VRK1: variants seen among roughly 807,000 people sequenced by gnomAD.
The protein encoded by VRK1 is VRK serine/threonine kinase 1, also known as serine/threonine-protein kinase VRK1.
Under a neutral mutation model 57.1 loss-of-function variants are expected in VRK1, and 33 were observed. The observed-to-expected ratio is 0.58, with a 90% CI of 0.44 to 0.77. The LOEUF (loss-of-function observed/expected upper bound fraction) is 0.77, where lower values mean the gene tolerates loss of function less well. VRK1 is among the 30% of genes least tolerant of loss of function. The pLI is 0.00. For missense variants in VRK1, 413 were observed against 477.3 expected, an observed-to-expected ratio of 0.87 and a Z score of 1.25; for synonymous variants, 137 against 147.8, an observed-to-expected ratio of 0.93 and a Z score of 0.53.
chr14:96,826,293 C>G (rs1033702531), intron 1 of VRK1, among the ~76,000 whole-genome samples: 3 of 152,070 alleles, frequency 2.0e-5, no homozygotes, highest in African/African-American at 7.2e-5. Context: ...CACTGAAATT[C>G]TATTTGAATA....
At chr14:96,870,440 C>A (rs1888775627) in intron 11 of VRK1, among the ~76,000 whole-genome samples, 1 of 152,126 alleles carries the variant, frequency 6.6e-6, no homozygotes, top group Admixed American at 6.5e-5. Context: ...TGTCATGGAA[C>A]CCTCAGAGGA....
At chr14:96,871,403 A>G (rs1010939586) in intron 11 of VRK1, among the ~76,000 whole-genome samples, 5 of 132,374 alleles carry the variant, frequency 3.8e-5, no homozygotes, top group African/African-American at 1.3e-4. Context: ...TGTGTGTGTT[A>G]CATTTACATA....
chr14:96,875,541 T>C (rs11160373), intron 11 of VRK1, among the ~76,000 whole-genome samples: 2,117 of 152,328 alleles, frequency 0.014, 55 homozygotes, highest in African/African-American at 0.048. Context: ...CTACCACCAA[T>C]GTTATGTGGT....
At chr14:96,852,344 A>G (rs554133478) in intron 5 of VRK1, among the ~76,000 whole-genome samples, 2 of 152,316 alleles carry the variant, frequency 1.3e-5, no homozygotes, top group Admixed American at 6.5e-5. Flanking sequence ...CATTTAAACA[A>G]TGGTATTGAA....
intron 5 of VRK1, among the ~76,000 whole-genome samples, chr14:96,848,935 A>C (rs749201057): frequency 6.6e-6 from 1 of 152,232 alleles, no homozygotes; most frequent in Non-Finnish European, 1.5e-5. Context: ...ACAGCATCTT[A>C]AGTGGGAGAT....
chr14:96,814,262 C>T (rs762706887), intron 1 of VRK1, among the ~76,000 whole-genome samples: 2 of 152,054 alleles, frequency 1.3e-5, no homozygotes, highest in Non-Finnish European at 2.9e-5. Flanking sequence ...AAAGACTGAC[C>T]TCATCTTTAT....
intron 3 of VRK1, among the ~76,000 whole-genome samples, chr14:96,840,279 C>G (rs1049117206): frequency 3.9e-5 from 6 of 152,150 alleles, no homozygotes; most frequent in Non-Finnish European, 8.8e-5. Context: ...TGTCCATTGT[C>G]TAATTTCTGA....
intron 1 of VRK1, among the ~76,000 whole-genome samples, chr14:96,817,419 G>A (rs947667882): frequency 6.6e-6 from 1 of 151,542 alleles, no homozygotes; most frequent in African/African-American, 2.4e-5. Context: ...AAATTTATCA[G>A]TTTTCTTTAT....
At chr14:96,799,813 A>G (rs969166073) in intron 1 of VRK1, among the ~76,000 whole-genome samples, 1 of 152,194 alleles carries the variant, frequency 6.6e-6, no homozygotes, top group East Asian at 1.9e-4. Flanking sequence ...TTTTCGGAGT[A>G]AGGAGAAATG....
intron 11 of VRK1, among the ~76,000 whole-genome samples, chr14:96,872,457 G>C (rs1888859719): frequency 6.6e-6 from 1 of 151,766 alleles, no homozygotes; most frequent in Non-Finnish European, 1.5e-5. Context: ...AAGAGAAATA[G>C]AGGAGGTTAT....
chr14:96,842,233 C>G (rs538932602), intron 3 of VRK1, among the ~76,000 whole-genome samples: 4 of 152,266 alleles, frequency 2.6e-5, no homozygotes, highest in South Asian at 4.1e-4. Flanking sequence ...ATTCACTTTC[C>G]TGTCTTGTCT....
At chr14:96,851,628 G>A (rs1464005196) in intron 5 of VRK1, among the ~76,000 whole-genome samples, 4 of 151,984 alleles carry the variant, frequency 2.6e-5, no homozygotes, top group African/African-American at 9.7e-5. Flanking sequence ...CTTCCCTATT[G>A]AACTTGTCAT....
At chr14:96,881,066 C>A in intron 12 of VRK1, 111 bp from the exon 13 acceptor site, 2 of 943,372 alleles carry the variant, frequency 2.1e-6, no homozygotes, top group Non-Finnish European at 3.2e-6. Context: ...TCACGAGAGT[C>A]GATTTGATTT....
At chr14:96,815,720 T>TA (rs546026263) in intron 1 of VRK1, among the ~76,000 whole-genome samples, 2,265 of 141,692 alleles carry the variant, frequency 0.016, 64 homozygotes, top group African/African-American at 0.054. Flanking sequence ...CTCACTCTAC[T>TA]AAAAAAAAAA....
At chr14:96,835,309 C>T (rs955349917) in intron 2 of VRK1, among the ~76,000 whole-genome samples, 2 of 152,160 alleles carry the variant, frequency 1.3e-5, no homozygotes, top group African/African-American at 4.8e-5. Context: ...ATCTTTGTTT[C>T]TCATAACAAT....
chr14:96,798,071 G>A (rs1308642377), intron 1 of VRK1, among the ~76,000 whole-genome samples: 1 of 152,184 alleles, frequency 6.6e-6, no homozygotes, highest in East Asian at 1.9e-4. Context: ...GGGACCGCGA[G>A]GCCGCCCGTT....
At chr14:96,847,666 TAAAC>T (rs1443808951) in intron 5 of VRK1, among the ~76,000 whole-genome samples, 10 of 149,162 alleles carry the variant, frequency 6.7e-5, no homozygotes, top group Admixed American at 4.7e-4. Context: ...CCTTTAGAAA[TAAAC>T]AAACAAAAAC....
chr14:96,833,546 T>A lies in VRK1; in HGVS notation c.75T>A (p.Val25=). 1 of 1,613,834 alleles carries A rather than the reference T, an allele frequency of 6.2e-7. No homozygotes were observed. Among genetic ancestry groups the A allele is most frequent in the Non-Finnish European group, 8.5e-7 (1 of 1,179,790 alleles). The change falls in exon 2 of 13, where the codon GTT becomes GTA. Residue 25 remains valine, a synonymous_variant. Transcript: ENST00000216639. ...AKRHLAEQFA[V]GEIITDMAKK... ...GACATCTTGCAGAACAATTTGCAGT[T>A]GGAGAGATAATAACTGACATGGCAA...
chr14:96,856,205 A>T lies in VRK1; in HGVS notation c.785A>T (p.Glu262Val). 1.2e-6 allele frequency: 2 copies of T among 1,613,680 alleles called. No homozygotes were observed. Among genetic ancestry groups the T allele is most frequent in the South Asian group, 1.1e-5 (1 of 91,074 alleles). The change falls in exon 9 of 13, where the codon GAG becomes GTG. Residue 262 changes from glutamate (E) to valine (V), a missense_variant. Coordinates refer to ENST00000216639, the MANE Select transcript of VRK1 (RefSeq NM_003384.3). ...IQWLTGHLPW[E>V]DNLKDPKYVR... ...TGGCTTACTGGCCATCTTCCTTGGG[A>T]GGATAATTTGAAAGATCCTAAATAT...
Sources: gnomAD v4.1 joint callset for allele counts (sites outside exome capture counted in the v4.1 genomes callset) on GRCh38, gnomAD v4.1.1 for gene constraint, MANE v1.5 for transcripts, NCBI Gene and HGNC (gene_info 2026-07-23, HGNC 2026-07-21) for gene names.